Variants in TMEM117 observed in about 807,000 individuals in gnomAD.
The protein encoded by TMEM117 is transmembrane protein 117.
Under a neutral mutation model 52.4 loss-of-function variants are expected in TMEM117, and 27 were observed. That is an observed-to-expected ratio of 0.51 (90% confidence interval 0.38 to 0.71). TMEM117 has a LOEUF of 0.71. Ranked by LOEUF, TMEM117 falls within the 30% of genes least tolerant of loss-of-function variation. TMEM117 has a pLI of 0.00. For synonymous variants in TMEM117, 215 were observed against 206.3 expected (o/e 1.04, Z -0.36); for missense variants, 556 against 630.5 (o/e 0.88, Z 1.26).
At chr12:44,396,327 T>C in the TMEM117 span, among the ~76,000 whole-genome samples, 2 of 152,280 alleles carry the variant, frequency 1.3e-5, no homozygotes, top group South Asian at 4.1e-4. Flanking sequence ...AAATAAAATG[T>C]ACTGCCCCTC....
At position 44,280,029 on chromosome 12, in the gene TMEM117, TAC is replaced by T. The variant is rs139084716; in HGVS notation, c.609-19548_609-19547del. On this transcript the variant is annotated intron_variant, in intron 5 of 7. Transcript: ENST00000266534. Reference sequence around the variant, plus strand: ...TTACTAGTCTCAATCTGTCTCTGAATACACCATAAAAAGCAGTAATATTCAAG... The same window carrying T: ...TTACTAGTCTCAATCTGTCTCTGAATACCATAAAAAGCAGTAATATTCAAG... 5.1e-3 allele frequency among the ~76,000 whole-genome samples: 776 copies of T among 152,320 alleles called. 6 individuals are homozygous for T. Among genetic ancestry groups the T allele is most frequent in the African/African-American group, 0.018 (738 of 41,578 alleles).
intron 5 of TMEM117, among the ~76,000 whole-genome samples, chr12:44,295,349 G>T (rs1455379221): frequency 6.6e-6 from 1 of 151,968 alleles, no homozygotes; most frequent in Non-Finnish European, 1.5e-5. Context: ...GACTGCAGGC[G>T]CAGGCCACTA....
At chr12:44,393,994 G>A (rs1246368946), downstream of TMEM117, among the ~76,000 whole-genome samples, 1 of 152,148 alleles carries the variant, frequency 6.6e-6, no homozygotes, top group East Asian at 1.9e-4. Flanking sequence ...ACATCCCCAG[G>A]AGAATGTTAG....
chr12:43,825,963 C>T, the TMEM117 span, among the ~76,000 whole-genome samples: 1 of 152,194 alleles, frequency 6.6e-6, no homozygotes. Flanking sequence ...TAGAAATCTC[C>T]ACCATCTCTA....
chr12:43,913,434 G>C (rs955191784), intron 2 of TMEM117, among the ~76,000 whole-genome samples: 11 of 152,096 alleles, frequency 7.2e-5, no homozygotes, highest in African/African-American at 2.7e-4. Context: ...TTTGTATTAA[G>C]TATCTGTCCC....
At chr12:44,120,913 A>T (rs534727633) in intron 3 of TMEM117, among the ~76,000 whole-genome samples, 1 of 152,232 alleles carries the variant, frequency 6.6e-6, no homozygotes, top group Non-Finnish European at 1.5e-5. Context: ...TGTCTTTATT[A>T]GTCCATTTTC....
chr12:43,830,598 A>T, the TMEM117 span, among the ~76,000 whole-genome samples: 1 of 148,802 alleles, frequency 6.7e-6, no homozygotes, highest in South Asian at 2.1e-4. Context: ...CAACAGAGCA[A>T]GACACTTGTC....
chr12:43,805,640 A>G, the TMEM117 span: 1 of 550,400 alleles, frequency 1.8e-6, no homozygotes, highest in Admixed American at 2.3e-5. Flanking sequence ...GGGAGTATCT[A>G]GGAAAAAGAT....
chr12:44,306,215 T>A (rs1950901602), intron 6 of TMEM117, among the ~76,000 whole-genome samples: 11 of 151,698 alleles, frequency 7.3e-5, no homozygotes. Flanking sequence ...ATACCCCAAT[T>A]CTTAGCATCA....
chr12:44,276,160 G>A (rs899367625), intron 5 of TMEM117, among the ~76,000 whole-genome samples: 7 of 152,206 alleles, frequency 4.6e-5, no homozygotes, highest in African/African-American at 1.7e-4. Flanking sequence ...GATATGAAAT[G>A]AGTATGTCAA....
intron 3 of TMEM117, among the ~76,000 whole-genome samples, chr12:43,984,096 G>A (rs557113644): frequency 6.6e-6 from 1 of 152,138 alleles, no homozygotes; most frequent in East Asian, 1.9e-4. Flanking sequence ...GGCTGAATGG[G>A]GTGGCTCACA....
intron 3 of TMEM117, among the ~76,000 whole-genome samples, chr12:44,051,019 T>C (rs941694864): frequency 3.9e-5 from 6 of 152,250 alleles, no homozygotes; most frequent in African/African-American, 1.4e-4. Flanking sequence ...ATCCTTGGGA[T>C]TTGAGATAAT....
At position 44,163,289 on chromosome 12, in the gene TMEM117, T is replaced by C. The variant is rs116521636; in HGVS notation, c.510+19665T>C. Among the ~76,000 whole-genome samples the C allele has an allele frequency of 3.1e-3, 472 of 152,336 alleles. 1 individual carries two copies. Among genetic ancestry groups the C allele is most frequent in the African/African-American group, 0.011 (444 of 41,584 alleles). On this transcript the variant is annotated intron_variant, in intron 4 of 7. Coordinates refer to ENST00000266534, the MANE Select transcript of TMEM117 (RefSeq NM_032256.3). ...GCTTTTCAGACCTTCTTAATACCTT[T>C]TGTCTACAAGATGATCTCGTGACAT...
chr12:43,886,957 C>A (rs1027999848), intron 2 of TMEM117, among the ~76,000 whole-genome samples: 1 of 152,196 alleles, frequency 6.6e-6, no homozygotes, highest in Non-Finnish European at 1.5e-5. Context: ...AAGCAATTCT[C>A]ATGCCTCAGC....
chr12:44,003,946 A>T (rs1361931890), intron 3 of TMEM117, among the ~76,000 whole-genome samples: 1 of 152,228 alleles, frequency 6.6e-6, no homozygotes, highest in Non-Finnish European at 1.5e-5. Context: ...CTAATGAGTC[A>T]GTCAGAAGCC....
At chr12:43,922,547 A>C (rs1276098550) in intron 2 of TMEM117, among the ~76,000 whole-genome samples, 2 of 152,188 alleles carry the variant, frequency 1.3e-5, no homozygotes, top group Non-Finnish European at 1.5e-5. Context: ...ACTTAGCCTC[A>C]TTAGGGCGTT....
At chr12:44,375,066 A>G (rs1209002553) in intron 6 of TMEM117, among the ~76,000 whole-genome samples, 2 of 152,198 alleles carry the variant, frequency 1.3e-5, no homozygotes, top group African/African-American at 2.4e-5. Flanking sequence ...CAACATAGAA[A>G]GAACAAAGGT....
chr12:43,943,352 C>T (rs1458994730), intron 2 of TMEM117, among the ~76,000 whole-genome samples: 1 of 152,070 alleles, frequency 6.6e-6, no homozygotes, highest in Non-Finnish European at 1.5e-5. Context: ...TCACTTCTTT[C>T]TTACTCCCAA....
chr12:43,925,449 T>C (rs1007163983), intron 2 of TMEM117, among the ~76,000 whole-genome samples: 1 of 152,164 alleles, frequency 6.6e-6, no homozygotes, highest in Admixed American at 6.5e-5. Flanking sequence ...GAGTGTATCA[T>C]ATGGGCTTAT....
Sources: allele counts gnomAD v4.1 joint callset (sites outside exome capture counted in the v4.1 genomes callset), GRCh38; gene constraint gnomAD v4.1.1; transcripts MANE v1.5; gene names NCBI Gene and HGNC (gene_info 2026-07-23, HGNC 2026-07-21).